NRBP1: variants seen among roughly 807,000 people sequenced by gnomAD.
NRBP1 encodes the protein nuclear receptor-binding protein.
In NRBP1, 10 loss-of-function variants were observed where a neutral mutation model predicts 76.0. That is an observed-to-expected ratio of 0.13 (90% CI 0.08 to 0.22). The LOEUF (loss-of-function observed/expected upper bound fraction) is 0.22. Ranked by LOEUF, NRBP1 falls within the 10% of genes least tolerant of loss-of-function variation. NRBP1 has a pLI of 1.00. For missense variants in NRBP1, 344 were observed against 646.0 expected, an observed-to-expected ratio of 0.53 and a Z score of 5.07; for synonymous variants, 235 against 240.2, an observed-to-expected ratio of 0.98 and a Z score of 0.20.
Position 27,442,179 on chromosome 2 carries a change from G to C in NRBP1, c.*367G>C. On this transcript the variant is annotated 3_prime_UTR_variant, in exon 18 of 18. Transcript: ENST00000379852. ...GGGGCGGCCGGGGCGGGAGAGAAAG[G>C]TGGTGCTGCAGTGGTGGCCCTGGGG... 1.9e-6 allele frequency: 1 copy of C among 533,802 alleles called. No individual in the cohort carries two copies. The highest frequency in any genetic ancestry group is 2.0e-5 in the African/African-American group (1 of 49,528). 33.1% of individuals were successfully genotyped at this position (533,802 alleles called of 1,614,324 possible). A position where few individuals can be genotyped will look rare whatever the true frequency, so the allele number is the denominator to read the frequency against.
rs563472131 is a variant in NRBP1 at position 27,439,442 on chromosome 2, G to A, written c.904-324G>A. On this transcript the variant is annotated intron_variant, in intron 10 of 17. Transcript: ENST00000379852. Reference sequence around the variant, plus strand: ...AGAGGTTGCAGTGAGCTGAGATTGCGCCACTGCACTCCAGCCTGGGCGACA... The same window carrying A: ...AGAGGTTGCAGTGAGCTGAGATTGCACCACTGCACTCCAGCCTGGGCGACA... 9.7e-5 allele frequency among the ~76,000 whole-genome samples: 14 copies of A among 144,224 alleles called. No individual in the cohort carries two copies. In the East Asian group the frequency reaches 1.0e-3, roughly 10 times the overall value. The allele number at this position is 144,224 out of a possible 152,430, so 94.6% of individuals were successfully genotyped here.
chr2:27,428,416 A>C, upstream of NRBP1: 2 of 369,410 alleles, frequency 5.4e-6, no homozygotes, highest in Non-Finnish European at 9.6e-6. Context: ...TGGGGTGGAC[A>C]GAGAGACGAG....
chr2:27,429,070 C>T (rs1381846263), intron 1 of NRBP1: 3 of 180,842 alleles, frequency 1.7e-5, no homozygotes, highest in Non-Finnish European at 3.4e-5. Context: ...CGGTCGCGGC[C>T]CGGCGGCCTG....
rs201785348 is a variant in NRBP1, at chr2:27,441,627, G to C, written c.1503+5G>C. 3 of 1,614,050 alleles carry C rather than the reference G, an allele frequency of 1.9e-6. No homozygotes were observed. The South Asian group carries it at 3.3e-5, about 18-fold the overall frequency. ...CAGCTGGGCTTCATTAGTGAGGTGA[G>C]GTTTCTGCCTTCATCTGCCCTGGCT... On this transcript the variant is annotated splice_donor_5th_base_variant and intron_variant, in intron 17 of 17. Transcript: ENST00000379852.
At chr2:27,431,300 C>G (rs972420659) in intron 1 of NRBP1, among the ~76,000 whole-genome samples, 1 of 152,114 alleles carries the variant, frequency 6.6e-6, no homozygotes, top group African/African-American at 2.4e-5. Flanking sequence ...ACTCCATCCC[C>G]TCTGCCAAAA....
At chr2:27,434,847 A>T (rs1365187606) in intron 6 of NRBP1, 85 bp downstream of exon 6, 7 of 1,350,954 alleles carry the variant, frequency 5.2e-6, no homozygotes, top group Non-Finnish European at 2.1e-6. Context: ...CTTCTGTTCT[A>T]TTCTGCCTCT....
chr2:27,437,829 C>T (rs560698776), intron 10 of NRBP1, among the ~76,000 whole-genome samples: 5 of 147,580 alleles, frequency 3.4e-5, no homozygotes, highest in African/African-American at 7.5e-5. Flanking sequence ...GCTGAGATCG[C>T]GCCACTGCAC....
chr2:27,431,150 A>G (rs1664097950), intron 1 of NRBP1, among the ~76,000 whole-genome samples: 1 of 151,892 alleles, frequency 6.6e-6, no homozygotes, highest in African/African-American at 2.4e-5. Flanking sequence ...AATACAAAAA[A>G]TTAGCTGGGT....
At chr2:27,439,200 G>C (rs530292815) in intron 10 of NRBP1, among the ~76,000 whole-genome samples, 7 of 152,150 alleles carry the variant, frequency 4.6e-5, no homozygotes, top group Admixed American at 3.9e-4. Flanking sequence ...GAAAAAGAAA[G>C]TGTGGGGCCG....
At chr2:27,440,010 TTTTTTTTTTTTTTTTTTTTTTG>T in intron 11 of NRBP1, 112 bp downstream of exon 11, 1 of 315,480 alleles carries the variant, frequency 3.2e-6, no homozygotes, top group Non-Finnish European at 4.4e-6. Flanking sequence ...TTTTTTTTTT[TTTTTTTTTTTTTTTTTTTTTTG>T]AGACAGAGTC....
At chr2:27,432,390 A>G (rs1293469182) in intron 1 of NRBP1, among the ~76,000 whole-genome samples, 2 of 152,186 alleles carry the variant, frequency 1.3e-5, no homozygotes, top group African/African-American at 2.4e-5. Context: ...TTAATGTTTC[A>G]GTATTTAGGA....
At position 27,440,200 on chromosome 2, in the gene NRBP1, T is replaced by C. The variant is rs558954537; in HGVS notation, c.1037-203T>C. On this transcript the variant is annotated intron_variant, in intron 11 of 17. Coordinates refer to ENST00000379852, the MANE Select transcript of NRBP1 (RefSeq NM_013392.4). ...GTAATTTTTGTACTTTTAGTAGAGA[T>C]GGGGTTTCGCCATGTTGGCCAGGCT... The C allele has an allele frequency of 4.8e-5, 27 of 566,740 alleles. No homozygotes were observed. The African/African-American group carries it at 4.9e-4, about 10-fold the overall frequency. 35.1% of individuals were successfully genotyped at this position (566,740 alleles called of 1,614,324 possible). A position where few individuals can be genotyped will look rare whatever the true frequency, so the allele number is the denominator to read the frequency against.
At chr2:27,430,478 T>TTTTTTTTTTGTTTTTC (rs1553317017) in intron 1 of NRBP1, among the ~76,000 whole-genome samples, 2 of 137,786 alleles carry the variant, frequency 1.5e-5, no homozygotes, top group Non-Finnish European at 3.1e-5. Flanking sequence ...TCTTTTTTTT[T>TTTTTTTTTTGTTTTTC]TTTTTTTTGA....
intron 1 of NRBP1, 135 bp downstream of exon 1, chr2:27,428,866 C>G (rs1663979734): frequency 5.0e-6 from 2 of 397,496 alleles, no homozygotes; most frequent in East Asian, 7.1e-5. Context: ...GTAGCCCAGG[C>G]CCGATCGGGC....
intron 2 of NRBP1, 62 bp downstream of exon 2, chr2:27,433,545 G>A (rs1361447331): frequency 6.2e-7 from 1 of 1,605,274 alleles, no homozygotes. Context: ...AACTGGAAGA[G>A]CAAAGTCTTA....
chr2:27,434,369 A>G, intron 4 of NRBP1, 102 bp from the exon 5 acceptor site: 3 of 903,336 alleles, frequency 3.3e-6, no homozygotes, highest in Non-Finnish European at 3.5e-6. Context: ...GCTAAGAACA[A>G]AAGGAGAGAA....
intron 7 of NRBP1, 28 bp from the exon 8 acceptor site, chr2:27,436,725 A>G: frequency 6.3e-7 from 1 of 1,589,076 alleles, no homozygotes; most frequent in Non-Finnish European, 8.6e-7. Context: ...GATGATGGTC[A>G]GATTGTGGGT....
Position 27,435,244 on chromosome 2 carries a change from G to A in NRBP1, c.661+17G>A. ...TTGGCTCTGGTGAGGGGAGGGAGAG[G>A]TTCTGGGCAGGGGAGCCTCGGGAAT... is the stretch of plus-strand genomic sequence containing the variant. On this transcript the variant is annotated intron_variant, in intron 7 of 17. Transcript: ENST00000379852. The A allele has an allele frequency of 2.5e-6, 4 of 1,608,090 alleles. No individual in the cohort carries two copies. The highest frequency in any genetic ancestry group is 3.4e-6 in the Non-Finnish European group (4 of 1,175,100).
At chr2:27,430,494 A>G (rs1664071339) in intron 1 of NRBP1, among the ~76,000 whole-genome samples, 1 of 120,882 alleles carries the variant, frequency 8.3e-6, no homozygotes, top group South Asian at 2.5e-4. Context: ...TTTGAGTCAT[A>G]GTCTCACTCT....
Sources: allele counts gnomAD v4.1 joint callset (sites outside exome capture counted in the v4.1 genomes callset), GRCh38; gene constraint gnomAD v4.1.1; transcripts MANE v1.5; gene names NCBI Gene and HGNC (gene_info 2026-07-23, HGNC 2026-07-21).